Variants in ARID1B observed in about 807,000 individuals in gnomAD.
The protein encoded by ARID1B is AT-rich interaction domain 1B.
ARID1B carries 30 observed loss-of-function variants against 212.3 expected under a neutral mutation model. The ratio of observed to expected loss-of-function variants is 0.14; its 90% confidence interval spans 0.11 to 0.19. The LOEUF (loss-of-function observed/expected upper bound fraction) is 0.19. ARID1B is among the 10% of genes least tolerant of loss of function. ARID1B has a pLI of 1.00. For missense variants in ARID1B, 2,891 were observed against 3,204.0 expected (o/e 0.90, Z 2.36); for synonymous variants, 1,402 against 1,301.7 (o/e 1.08, Z -1.66).
chr6:157,010,278 G>GTTTTTTTTTT (rs367851681), intron 4 of ARID1B, among the ~76,000 whole-genome samples: 21 of 102,288 alleles, frequency 2.1e-4, no homozygotes, highest in East Asian at 6.3e-4. Flanking sequence ...TGCATTGCCT[G>GTTTTTTTTTT]TTTTTTTTTT....
At chr6:156,842,404 C>T (rs1442150251) in intron 2 of ARID1B, among the ~76,000 whole-genome samples, 1 of 152,206 alleles carries the variant, frequency 6.6e-6, no homozygotes, top group Non-Finnish European at 1.5e-5. Context: ...AGTTAGCATA[C>T]TGTTTTCAAG....
At chr6:156,826,011 C>T (rs1488240177) in intron 1 of ARID1B, among the ~76,000 whole-genome samples, 5 of 152,248 alleles carry the variant, frequency 3.3e-5, no homozygotes, top group South Asian at 4.1e-4. Flanking sequence ...ATTATGAAGG[C>T]GGCTCAGGTT....
chr6:157,049,880 T>A (rs1475213043), intron 4 of ARID1B, among the ~76,000 whole-genome samples: 1 of 152,234 alleles, frequency 6.6e-6, no homozygotes, highest in Non-Finnish European at 1.5e-5. Flanking sequence ...TAAGTTTTAA[T>A]CTCCTCATAA....
intron 4 of ARID1B, among the ~76,000 whole-genome samples, chr6:157,015,664 G>T (rs1006269574): frequency 7.9e-5 from 12 of 152,184 alleles, no homozygotes; most frequent in Admixed American, 2.6e-4. Flanking sequence ...TCTGTAGCCT[G>T]TTTCTATTGG....
At chr6:156,785,728 G>C (rs138006265) in intron 1 of ARID1B, among the ~76,000 whole-genome samples, 2,349 of 152,274 alleles carry the variant, frequency 0.015, 205 homozygotes, top group Admixed American at 0.14. Context: ...AGCTGCTAAT[G>C]TGTATTGTAA....
intron 8 of ARID1B, chr6:157,149,881 AT>A (rs1790076569): frequency 6.6e-6 from 1 of 152,182 alleles, no homozygotes; most frequent in Admixed American, 6.5e-5. Context: ...TGAAGCTGCT[AT>A]CTGGGGAATG....
chr6:157,155,452 A>G (rs1790514617), intron 8 of ARID1B, among the ~76,000 whole-genome samples: 1 of 152,074 alleles, frequency 6.6e-6, no homozygotes, highest in South Asian at 2.1e-4. Flanking sequence ...GCATCAGAAG[A>G]AGGAGAAGTC....
chr6:157,077,604 A>G (rs1453598639), intron 4 of ARID1B, among the ~76,000 whole-genome samples: 1 of 152,066 alleles, frequency 6.6e-6, no homozygotes, highest in African/African-American at 2.4e-5. Flanking sequence ...GTCCTAGAGT[A>G]TCCTTTACTC....
At chr6:157,158,385 A>C (rs920106592) in intron 8 of ARID1B, among the ~76,000 whole-genome samples, 3 of 152,186 alleles carry the variant, frequency 2.0e-5, no homozygotes, top group Non-Finnish European at 4.4e-5. Flanking sequence ...TGCATTTTTT[A>C]TTAGAGGTTT....
intron 2 of ARID1B, among the ~76,000 whole-genome samples, chr6:156,862,308 C>T (rs1022765588): frequency 6.6e-6 from 1 of 152,170 alleles, no homozygotes; most frequent in Non-Finnish European, 1.5e-5. Context: ...TGGCCTGGCG[C>T]GGGCCCTTGG....
intron 2 of ARID1B, among the ~76,000 whole-genome samples, chr6:156,857,805 T>C (rs1156930379): frequency 2.6e-5 from 4 of 152,174 alleles, no homozygotes; most frequent in African/African-American, 9.7e-5. Context: ...CAAACCTAGA[T>C]GGTATAGCCT....
intron 4 of ARID1B, among the ~76,000 whole-genome samples, chr6:157,052,334 A>G (rs1341874667): frequency 6.6e-6 from 1 of 152,214 alleles, no homozygotes; most frequent in East Asian, 1.9e-4. Flanking sequence ...TTGAATGGTA[A>G]TAGATCCGTG....
intron 3 of ARID1B, among the ~76,000 whole-genome samples, chr6:156,904,490 G>T (rs1310568159): frequency 6.6e-6 from 1 of 152,254 alleles, no homozygotes; most frequent in Non-Finnish European, 1.5e-5. Flanking sequence ...TCTGCAGGAT[G>T]AATTCTGGAA....
chr6:156,832,756 T>C lies in ARID1B; in HGVS notation c.1986+3335T>C, dbSNP rs1426690974. 2.6e-5 allele frequency among the ~76,000 whole-genome samples: 4 copies of C among 152,196 alleles called. No individual in the cohort carries two copies. In the East Asian group the frequency reaches 7.7e-4, roughly 29 times the overall value. ...GGAGAGGAGTATCACTGTTTATTTT[T>C]TGTCTCTGAGAGTCTGAAGGAACTG... On this transcript the variant is annotated intron_variant, in intron 2 of 19. Coordinates refer to ENST00000636930, the MANE Select transcript of ARID1B (RefSeq NM_001374828.1).
At chr6:156,806,078 C>T (rs552087606) in intron 1 of ARID1B, among the ~76,000 whole-genome samples, 1 of 152,144 alleles carries the variant, frequency 6.6e-6, no homozygotes, top group Non-Finnish European at 1.5e-5. Flanking sequence ...GTGTCACATT[C>T]ACTAAATTAG....
rs546178246 is a variant in ARID1B, at chr6:157,201,863, T to C, written c.5263+375T>C. Among the ~76,000 whole-genome samples, 67 of 152,060 alleles carry C rather than the reference T, an allele frequency of 4.4e-4. No homozygotes were observed. Among genetic ancestry groups the C allele is most frequent in the African/African-American group, 1.6e-3 (66 of 41,308 alleles). On this transcript the variant is annotated intron_variant, in intron 18 of 19. Transcript: ENST00000636930. This position sits in a 1 kb window ranked among gnomAD's most constrained non-coding sequence, Gnocchi z 5.2. ...CTTCAAGTAAGAGATCAGGGAATCC[T>C]GAGTGGTTATATGCTGTATTTTGGG... is the stretch of plus-strand genomic sequence containing the variant.
intron 5 of ARID1B, among the ~76,000 whole-genome samples, chr6:157,104,918 A>C (rs1270833396): frequency 6.6e-6 from 1 of 152,224 alleles, no homozygotes; most frequent in Non-Finnish European, 1.5e-5. Context: ...GAAAACACTG[A>C]AAAAGAAAAG....
chr6:156,851,605 T>C (rs917906786), intron 2 of ARID1B, among the ~76,000 whole-genome samples: 4 of 152,198 alleles, frequency 2.6e-5, no homozygotes, highest in African/African-American at 9.7e-5. Context: ...CTGTAGGGTG[T>C]CAGGAGTGGG....
intron 4 of ARID1B, among the ~76,000 whole-genome samples, chr6:157,078,674 A>G (rs1362275824): frequency 2.6e-5 from 4 of 152,262 alleles, no homozygotes; most frequent in Non-Finnish European, 5.9e-5. Flanking sequence ...TTTTAACCCA[A>G]GGACCTTTGA....
Sources: gnomAD v4.1 joint callset for allele counts (sites outside exome capture counted in the v4.1 genomes callset) on GRCh38, gnomAD v4.1.1 for gene constraint, Gnocchi (gnomAD v3.1) non-coding constraint, MANE v1.5 for transcripts, NCBI Gene and HGNC (gene_info 2026-07-23, HGNC 2026-07-21) for gene names.